Variants in TENM2 observed in about 807,000 individuals in gnomAD.
The protein encoded by TENM2 is teneurin transmembrane protein 2.
Under a neutral mutation model 245.2 loss-of-function variants are expected in TENM2, and 52 were observed. The ratio of observed to expected loss-of-function variants is 0.21; its 90% CI spans 0.17 to 0.27. TENM2 has a LOEUF of 0.27. Ranked by LOEUF, TENM2 falls within the 10% of genes least tolerant of loss-of-function variation. The pLI is 1.00. For synonymous variants in TENM2, 1,363 were observed against 1,438.9 expected (o/e 0.95, Z 1.19); for missense variants, 3,046 against 3,666.8 (o/e 0.83, Z 4.37).
intron 3 of TENM2, among the ~76,000 whole-genome samples, chr5:167,879,488 T>C (rs936646501): frequency 1.3e-5 from 2 of 152,030 alleles, no homozygotes; most frequent in Non-Finnish European, 2.9e-5. Context: ...GAATAACTCA[T>C]CTGGAAAAAA....
intron 2 of TENM2, among the ~76,000 whole-genome samples, chr5:167,539,418 C>T (rs1772053603): frequency 6.6e-6 from 1 of 151,906 alleles, no homozygotes; most frequent in Admixed American, 6.6e-5. Flanking sequence ...TTTTTTTTAA[C>T]CAGTAAAAGT....
At chr5:167,446,798 C>CACAG (rs1231086432) in intron 2 of TENM2, among the ~76,000 whole-genome samples, 1 of 142,810 alleles carries the variant, frequency 7.0e-6, no homozygotes, top group South Asian at 2.2e-4. Context: ...AACACGCACA[C>CACAG]ACACACACAC....
intron 12 of TENM2, among the ~76,000 whole-genome samples, chr5:168,127,840 G>T (rs940478112): frequency 1.3e-5 from 2 of 152,152 alleles, no homozygotes; most frequent in South Asian, 2.1e-4. Flanking sequence ...CTACTTGCCT[G>T]CATGGAAATT....
chr5:167,829,491 A>G (rs1768280125), intron 2 of TENM2, among the ~76,000 whole-genome samples: 1 of 152,244 alleles, frequency 6.6e-6, no homozygotes, highest in South Asian at 2.1e-4. Context: ...ACCCACAGAC[A>G]TTCTTTTGTC....
At chr5:167,966,898 A>T (rs982941103) in intron 4 of TENM2, 1 of 152,228 alleles carries the variant, frequency 6.6e-6, no homozygotes, top group Admixed American at 6.5e-5. Flanking sequence ...GCAAAACATT[A>T]TGCCCCCTCT....
chr5:167,771,164 CTGAAGCTAAACACT>C (rs1763380279), intron 2 of TENM2, among the ~76,000 whole-genome samples: 1 of 152,024 alleles, frequency 6.6e-6, no homozygotes, highest in African/African-American at 2.4e-5. Context: ...AACTTTTAGT[CTGAAGCTAAACACT>C]TGATAGATTA....
chr5:167,090,397 A>G, the TENM2 span, among the ~76,000 whole-genome samples: 1 of 152,142 alleles, frequency 6.6e-6, no homozygotes, highest in African/African-American at 2.4e-5. Flanking sequence ...GGCAATTTCT[A>G]TGAATTGGGT....
intron 1 of TENM2, among the ~76,000 whole-genome samples, chr5:167,329,080 C>T (rs1757270134): frequency 6.6e-6 from 1 of 152,046 alleles, no homozygotes; most frequent in Non-Finnish European, 1.5e-5. Context: ...GTTGATTGGC[C>T]ATTTGAAAAC....
chr5:167,037,052 C>A, the TENM2 span, among the ~76,000 whole-genome samples: 1 of 152,174 alleles, frequency 6.6e-6, no homozygotes, highest in Non-Finnish European at 1.5e-5. Context: ...GATCCTCAAT[C>A]CCATTTTCAA....
At chr5:167,200,552 T>C in the TENM2 span, among the ~76,000 whole-genome samples, 1 of 152,168 alleles carries the variant, frequency 6.6e-6, no homozygotes, top group East Asian at 1.9e-4. Context: ...AAGCACTACA[T>C]AGAAGTGAGG....
chr5:168,042,291 G>A (rs548729543), intron 5 of TENM2, among the ~76,000 whole-genome samples: 28 of 152,144 alleles, frequency 1.8e-4, no homozygotes, highest in East Asian at 7.7e-4. Flanking sequence ...GTTATGTATC[G>A]ACAAGTCTGA....
At chr5:167,302,921 A>C (rs1296242791) in intron 1 of TENM2, among the ~76,000 whole-genome samples, 3 of 152,136 alleles carry the variant, frequency 2.0e-5, no homozygotes, top group Admixed American at 1.3e-4. Context: ...ACACCAAGGG[A>C]AGGCTGCCTT....
chr5:167,276,659 A>G, the TENM2 span, among the ~76,000 whole-genome samples: 1 of 152,032 alleles, frequency 6.6e-6, no homozygotes, highest in Non-Finnish European at 1.5e-5. Context: ...AGTCTCTTAT[A>G]TGAAATGGTA....
rs1285947534 is a variant in TENM2, at chr5:167,893,476, CCT to C, written c.712+17284_712+17285del. ...ATTAGACTTCTTTAAAAAGGAACAA[CCT>C]CTTTAACTCTGTGAGTTTCTGGGGG... On this transcript the variant is annotated intron_variant, in intron 3 of 28. Coordinates refer to ENST00000518659, the Ensembl canonical transcript of TENM2. Among the ~76,000 whole-genome samples the C allele has an allele frequency of 1.8e-4, 28 of 152,118 alleles. 1 individual carries two copies. The highest frequency in any genetic ancestry group is 1.8e-3 in the Admixed American group (28 of 15,280).
chr5:167,684,961 C>A (rs1325975811), intron 2 of TENM2, among the ~76,000 whole-genome samples: 1 of 152,172 alleles, frequency 6.6e-6, no homozygotes, highest in African/African-American at 2.4e-5. Flanking sequence ...CACATAAGAT[C>A]TTATGGAATC....
Position 167,952,651 on chromosome 5 carries a change from C to T in TENM2, c.776C>T (p.Thr259Met), listed in dbSNP as rs1008776024. 100 of 1,613,076 alleles carry T rather than the reference C, an allele frequency of 6.2e-5. No homozygotes were observed. Among genetic ancestry groups the T allele is most frequent in the Non-Finnish European group, 8.1e-5 (96 of 1,179,754 alleles). Residue 259 changes from threonine to methionine, a missense_variant, in exon 4 of 29, where the codon ACG becomes ATG. Thr to Met is a moderately conservative substitution (Grantham distance 81, BLOSUM62 -1). Transcript: ENST00000518659. ...CCTCTCCCACCCCCTCACAACCACA[C>T]GCTGTCCCATCACCACTCGTCCGCC...
intron 3 of TENM2, among the ~76,000 whole-genome samples, chr5:167,894,367 A>T (rs191956364): frequency 1.3e-5 from 2 of 152,274 alleles, no homozygotes; most frequent in Admixed American, 6.5e-5. Context: ...TTAGAATAAA[A>T]CCCAGATCGT....
At chr5:167,860,603 C>T (rs1227242549) in intron 2 of TENM2, among the ~76,000 whole-genome samples, 1 of 84,890 alleles carries the variant, frequency 1.2e-5, no homozygotes, top group East Asian at 3.5e-4. Context: ...AATAGAAAGG[C>T]GGGAAAGGTG....
chr5:167,215,446 G>A, the TENM2 span, among the ~76,000 whole-genome samples: 1 of 152,182 alleles, frequency 6.6e-6, no homozygotes, highest in African/African-American at 2.4e-5. Flanking sequence ...GTGAACAAAA[G>A]TAAGAATGGA....
Sources: allele counts gnomAD v4.1 joint callset (sites outside exome capture counted in the v4.1 genomes callset), GRCh38; gene constraint gnomAD v4.1.1; transcripts MANE v1.5; gene names NCBI Gene and HGNC (gene_info 2026-07-23, HGNC 2026-07-21).